The following APBB1IP variants were observed in gnomAD, a reference collection of about 807,000 sequenced individuals.
APBB1IP encodes the protein amyloid beta precursor protein binding family B member 1 interacting protein.
APBB1IP carries 27 observed loss-of-function variants against 64.9 expected under a neutral mutation model. The observed-to-expected ratio is 0.42, with a 90% confidence interval of 0.31 to 0.57. APBB1IP has a LOEUF of 0.57. Ranked by LOEUF, APBB1IP falls within the 20% of genes least tolerant of loss-of-function variation. The pLI is 0.20. For synonymous variants in APBB1IP, 392 were observed against 331.0 expected (o/e 1.18, Z -2.00); for missense variants, 812 against 845.5 (o/e 0.96, Z 0.49).
chr10:26,521,035 A>ATAGGAGATCACCCCATTT (rs1836395247), intron 8 of APBB1IP, among the ~76,000 whole-genome samples: 2 of 152,220 alleles, frequency 1.3e-5, no homozygotes. Flanking sequence ...TGGGGAGGCA[A>ATAGGAGATCACCCCATTT]TAGGAGATCA....
chr10:26,467,840 C>A (rs1425345296), intron 2 of APBB1IP, among the ~76,000 whole-genome samples: 1 of 152,214 alleles, frequency 6.6e-6, no homozygotes, highest in Non-Finnish European at 1.5e-5. Context: ...TTTGATCTCA[C>A]CAAATTACTC....
chr10:26,483,327 A>G (rs1311598874), intron 2 of APBB1IP, among the ~76,000 whole-genome samples: 2 of 152,182 alleles, frequency 1.3e-5, no homozygotes, highest in African/African-American at 2.4e-5. Context: ...CGATCGATTT[A>G]CTTATCTCTG....
chr10:26,538,370 C>T (rs753856929), intron 10 of APBB1IP, among the ~76,000 whole-genome samples: 50 of 149,986 alleles, frequency 3.3e-4, no homozygotes, highest in East Asian at 2.0e-4. Flanking sequence ...AGGCCAGGTG[C>T]GGTGGCTCAT....
Position 26,496,289 on chromosome 10 carries a change from GA to G in APBB1IP, c.73-14del. 1 of 1,591,668 alleles carries G rather than the reference GA, an allele frequency of 6.3e-7. No homozygotes were observed. Among genetic ancestry groups the G allele is most frequent in the South Asian group, 1.1e-5 (1 of 89,706 alleles). On this transcript the variant is annotated splice_polypyrimidine_tract_variant and intron_variant, in intron 3 of 14. Coordinates refer to ENST00000376236, the MANE Select transcript of APBB1IP (RefSeq NM_019043.4). Reference sequence around the variant, plus strand: ...GTATCATGAATAACTTTGATGGGGGGATCTTTTTTCACAGAGTTTAGGAGTT... The same window carrying G: ...GTATCATGAATAACTTTGATGGGGGGTCTTTTTTCACAGAGTTTAGGAGTT...
At chr10:26,529,800 C>G (rs781277574) in intron 8 of APBB1IP, among the ~76,000 whole-genome samples, 12 of 152,062 alleles carry the variant, frequency 7.9e-5, no homozygotes, top group Non-Finnish European at 1.5e-4. Context: ...ACCACCAAAC[C>G]CAATTAATTT....
intron 10 of APBB1IP, among the ~76,000 whole-genome samples, chr10:26,539,727 A>G (rs1451804679): frequency 6.6e-6 from 1 of 152,218 alleles, no homozygotes; most frequent in East Asian, 1.9e-4. Context: ...ACAAGTATGA[A>G]TATCCATAAA....
chr10:26,480,962 T>C (rs1019786290), intron 2 of APBB1IP, among the ~76,000 whole-genome samples: 5 of 152,192 alleles, frequency 3.3e-5, no homozygotes, highest in Non-Finnish European at 5.9e-5. Context: ...ATTTTCTATT[T>C]GTATCTCTTC....
At chr10:26,502,916 A>G (rs567415168) in intron 5 of APBB1IP, among the ~76,000 whole-genome samples, 3 of 152,164 alleles carry the variant, frequency 2.0e-5, no homozygotes, top group African/African-American at 7.2e-5. Context: ...CCAAGCTATA[A>G]AGAGTGACTG....
At chr10:26,499,519 A>G (rs1836069818) in intron 4 of APBB1IP, among the ~76,000 whole-genome samples, 1 of 152,048 alleles carries the variant, frequency 6.6e-6, no homozygotes. Context: ...AGCTGCTCCC[A>G]TTTCCTCAGT....
At chr10:26,492,248 G>C in intron 2 of APBB1IP, 79 bp from the exon 3 acceptor site, 1 of 1,317,404 alleles carries the variant, frequency 7.6e-7, no homozygotes, top group South Asian at 1.2e-5. Context: ...GGCTCTTGGG[G>C]GAAAGAGAGG....
intron 1 of APBB1IP, 22 bp from the exon 2 acceptor site, chr10:26,438,626 TTGTC>T (rs1835305358): frequency 6.6e-6 from 1 of 152,226 alleles, no homozygotes; most frequent in South Asian, 2.1e-4. Flanking sequence ...ACGCATATGT[TTGTC>T]TGTCCCACTG....
At chr10:26,448,822 G>C (rs1311121557) in intron 2 of APBB1IP, among the ~76,000 whole-genome samples, 2 of 152,156 alleles carry the variant, frequency 1.3e-5, no homozygotes, top group Non-Finnish European at 2.9e-5. Flanking sequence ...AAAAGAACTG[G>C]AAACAAATGG....
chr10:26,546,804 G>A (rs545401851), intron 11 of APBB1IP, among the ~76,000 whole-genome samples: 2 of 152,114 alleles, frequency 1.3e-5, no homozygotes, highest in Non-Finnish European at 2.9e-5. Context: ...CCACTGATGG[G>A]CATTTAGGTT....
intron 2 of APBB1IP, among the ~76,000 whole-genome samples, chr10:26,467,939 A>G (rs1283545847): frequency 6.6e-6 from 1 of 152,228 alleles, no homozygotes; most frequent in Non-Finnish European, 1.5e-5. Flanking sequence ...CAACAATGAT[A>G]GAAACTACAA....
intron 2 of APBB1IP, among the ~76,000 whole-genome samples, chr10:26,473,999 CAAAAAAAAAAAA>C (rs35712977): frequency 1.5e-5 from 1 of 67,358 alleles, no homozygotes; most frequent in Non-Finnish European, 2.9e-5. Context: ...CACCCTGTCT[CAAAAAAAAAAAA>C]AAAAAAAAAA....
chr10:26,502,424 G>A (rs905613310), intron 5 of APBB1IP, among the ~76,000 whole-genome samples: 2 of 152,192 alleles, frequency 1.3e-5, no homozygotes, highest in Non-Finnish European at 2.9e-5. Flanking sequence ...GACGGGTCAT[G>A]AGGTCAGGAG....
intron 8 of APBB1IP, among the ~76,000 whole-genome samples, chr10:26,515,557 G>A (rs1164646576): frequency 1.3e-5 from 2 of 152,148 alleles, no homozygotes; most frequent in African/African-American, 4.8e-5. Flanking sequence ...TAAAACTAGG[G>A]AGTTACATTC....
chr10:26,471,994 A>T (rs1327797138), intron 2 of APBB1IP, among the ~76,000 whole-genome samples: 1 of 151,948 alleles, frequency 6.6e-6, no homozygotes, highest in African/African-American at 2.4e-5. Flanking sequence ...GTTTGAGCTT[A>T]TTCATGCAAA....
chr10:26,527,685 CTTTTT>C (rs768509910), intron 8 of APBB1IP, among the ~76,000 whole-genome samples: 6 of 68,640 alleles, frequency 8.7e-5, no homozygotes, highest in African/African-American at 2.9e-4. Context: ...AGGTCCATGT[CTTTTT>C]TTTTTTTTTT....
Sources: gnomAD v4.1 joint callset for allele counts (sites outside exome capture counted in the v4.1 genomes callset) on GRCh38, gnomAD v4.1.1 for gene constraint, MANE v1.5 for transcripts, NCBI Gene and HGNC (gene_info 2026-07-23, HGNC 2026-07-21) for gene names.